Variants in FAT3 observed in about 807,000 individuals in gnomAD.
FAT3 encodes FAT atypical cadherin 3, also known as protocadherin Fat 3.
A neutral mutation model predicts 310.2 loss-of-function variants in FAT3; 95 were observed. The observed-to-expected ratio is 0.31, with a 90% CI of 0.26 to 0.36. The LOEUF (loss-of-function observed/expected upper bound fraction) is 0.36. Ranked by LOEUF, FAT3 falls within the 10% of genes least tolerant of loss-of-function variation. FAT3 has a pLI of 1.00. For synonymous variants in FAT3, 2,314 were observed against 2,192.9 expected (o/e 1.06, Z -1.54); for missense variants, 5,408 against 5,715.6 (o/e 0.95, Z 1.74).
chr11:92,885,212 G>A (rs910844271), intron 24 of FAT3, among the ~76,000 whole-genome samples: 1 of 152,174 alleles, frequency 6.6e-6, no homozygotes, highest in Non-Finnish European at 1.5e-5. Context: ...GAAAGTCAGG[G>A]CAGCAGGTGA....
At chr11:92,278,492 T>A (rs1056095464) in intron 1 of FAT3, among the ~76,000 whole-genome samples, 9 of 152,130 alleles carry the variant, frequency 5.9e-5, no homozygotes, top group Non-Finnish European at 1.3e-4. Flanking sequence ...TTGTATTTTT[T>A]GGTGGTTAAA....
chr11:92,742,939 G>C (rs932315118), intron 4 of FAT3, among the ~76,000 whole-genome samples: 1 of 152,182 alleles, frequency 6.6e-6, no homozygotes, highest in Non-Finnish European at 1.5e-5. Context: ...TTAGACACTG[G>C]AGGCTAAGAA....
chr11:92,888,495 A>G (rs554305049), intron 25 of FAT3, among the ~76,000 whole-genome samples: 2 of 152,306 alleles, frequency 1.3e-5, no homozygotes, highest in East Asian at 3.9e-4. Flanking sequence ...GTTGGTCCCA[A>G]ATGAGGCAGG....
chr11:92,257,004 T>G, intron 1 of FAT3, among the ~76,000 whole-genome samples: 1 of 152,086 alleles, frequency 6.6e-6, no homozygotes, highest in East Asian at 1.9e-4. Flanking sequence ...TCCTCTTCCT[T>G]ACTGAATTTT....
intron 2 of FAT3, among the ~76,000 whole-genome samples, chr11:92,441,833 G>A (rs1796242929): frequency 6.6e-6 from 1 of 151,808 alleles, no homozygotes; most frequent in African/African-American, 2.4e-5. Flanking sequence ...AGCTCCTAGG[G>A]ATGGGTCTTA....
At chr11:92,465,511 A>G (rs1951736142) in intron 2 of FAT3, among the ~76,000 whole-genome samples, 1 of 152,144 alleles carries the variant, frequency 6.6e-6, no homozygotes, top group South Asian at 2.1e-4. Flanking sequence ...CTGGTGTGAG[A>G]TGGTATCTCA....
chr11:92,323,290 C>T (rs1415004642), intron 1 of FAT3, among the ~76,000 whole-genome samples: 3 of 151,800 alleles, frequency 2.0e-5, no homozygotes, highest in Admixed American at 1.3e-4. Flanking sequence ...GCTCTGTCAC[C>T]CAGTTTGGAG....
At chr11:92,311,177 T>C (rs1289976472) in intron 1 of FAT3, among the ~76,000 whole-genome samples, 1 of 152,094 alleles carries the variant, frequency 6.6e-6, no homozygotes, top group Non-Finnish European at 1.5e-5. Flanking sequence ...CTCGGAAAAA[T>C]GTACCTTTGG....
intron 1 of FAT3, chr11:92,336,338 T>A (rs772472934): frequency 1.7e-5 from 7 of 422,248 alleles, no homozygotes; most frequent in Non-Finnish European, 3.2e-5. Flanking sequence ...CCTGCCAATG[T>A]ACGGTCAGTT....
intron 4 of FAT3, among the ~76,000 whole-genome samples, chr11:92,760,026 T>G (rs1160585122): frequency 6.6e-6 from 1 of 152,144 alleles, no homozygotes; most frequent in African/African-American, 2.4e-5. Flanking sequence ...ACAGGTCACC[T>G]GGGAGTGTAA....
chr11:92,422,049 A>T (rs1565303955), intron 2 of FAT3, among the ~76,000 whole-genome samples: 1 of 152,282 alleles, frequency 6.6e-6, no homozygotes, highest in East Asian at 1.9e-4. Flanking sequence ...TAAGTGAGCA[A>T]ACCTTTAAGT....
chr11:92,781,218 G>A (rs1368657246), intron 7 of FAT3, among the ~76,000 whole-genome samples: 2 of 151,478 alleles, frequency 1.3e-5, no homozygotes, highest in African/African-American at 4.9e-5. Flanking sequence ...GAGTAGCTGG[G>A]ACTACAGGTG....
Position 92,352,787 on chromosome 11 carries a change from T to C in FAT3, c.675T>C (p.Asn225=), listed in dbSNP as rs1948603137. 2 of 1,613,844 alleles carry C rather than the reference T, an allele frequency of 1.2e-6. No homozygotes were observed. The highest frequency in any genetic ancestry group is 1.7e-6 in the Non-Finnish European group (2 of 1,179,866). The change falls in exon 2 of 28, where the codon AAT becomes AAC. Residue 225 remains asparagine, a synonymous_variant. Transcript: ENST00000525166. ...LSGRLNYDEK[N]RYDLEILAVD... ...GTCGATTAAATTATGATGAAAAGAA[T>C]AGGTATGATCTGGAAATTTTGGCTG...
At position 92,352,691 on chromosome 11, in the gene FAT3, C is replaced by G; in HGVS notation, c.579C>G (p.Phe193Leu). The part of the protein sequence containing the change: ...TDADIGSNGE[F>L]YYYFKNKVDL... ...CAGATATTGGTTCCAATGGAGAATT[C>G]TACTACTACTTTAAAAATAAAGTTG... is the stretch of plus-strand genomic sequence containing the variant. The change falls in exon 2 of 28, where the codon TTC (phenylalanine) becomes TTG (leucine). Residue 193 changes from phenylalanine (F) to leucine (L), a missense_variant. By Grantham distance (22) the Phe-to-Leu change is conservative. Around this residue, in one of 5 missense-constraint regions of FAT3, gnomAD observed 4,588 missense variants for 4,809.8 expected, o/e 0.95. Transcript: ENST00000525166. The G allele has an allele frequency of 6.2e-7, 1 of 1,613,780 alleles. No homozygotes were observed. Among genetic ancestry groups the G allele is most frequent in the East Asian group, 2.2e-5 (1 of 44,856 alleles).
chr11:92,510,620 G>C (rs993734439), intron 2 of FAT3, among the ~76,000 whole-genome samples: 2 of 152,180 alleles, frequency 1.3e-5, no homozygotes. Flanking sequence ...TGTGTTTTCT[G>C]AACCTACAGA....
chr11:92,516,977 A>C (rs1473986721), intron 2 of FAT3, among the ~76,000 whole-genome samples: 1 of 152,198 alleles, frequency 6.6e-6, no homozygotes, highest in Non-Finnish European at 1.5e-5. Context: ...CAAGGAAATA[A>C]GAGAGGATAC....
chr11:92,409,935 A>G (rs1311434945), intron 2 of FAT3, among the ~76,000 whole-genome samples: 2 of 152,168 alleles, frequency 1.3e-5, no homozygotes, highest in African/African-American at 4.8e-5. Flanking sequence ...TTTGACTACT[A>G]AAGTGTCCTG....
chr11:92,363,335 C>G (rs1328159256), intron 2 of FAT3, among the ~76,000 whole-genome samples: 2 of 152,154 alleles, frequency 1.3e-5, no homozygotes. Context: ...ATGAGGAGCT[C>G]TTTGTCATTG....
chr11:92,632,307 G>A (rs1234619473), intron 3 of FAT3, among the ~76,000 whole-genome samples: 3 of 111,216 alleles, frequency 2.7e-5, no homozygotes, highest in Admixed American at 1.7e-4. Context: ...GAGTCACTCA[G>A]TATTTTTTAT....
Sources: allele counts gnomAD v4.1 joint callset (sites outside exome capture counted in the v4.1 genomes callset), GRCh38; gene constraint gnomAD v4.1.1; regional missense constraint gnomAD v4.1.1; transcripts MANE v1.5; gene names NCBI Gene and HGNC (gene_info 2026-07-23, HGNC 2026-07-21).